Variants in TUBGCP3 observed in about 807,000 individuals in gnomAD.
TUBGCP3 encodes gamma-tubulin complex component 3.
A neutral mutation model predicts 123.1 loss-of-function variants in TUBGCP3; 50 were observed. That is an observed-to-expected ratio of 0.41 (90% CI 0.32 to 0.51). The LOEUF (loss-of-function observed/expected upper bound fraction) is 0.51, where lower values mean the gene tolerates loss of function less well. Ranked by LOEUF, TUBGCP3 falls within the 20% of genes least tolerant of loss-of-function variation. TUBGCP3 has a pLI of 0.36. For synonymous variants in TUBGCP3, 405 were observed against 413.9 expected, an observed-to-expected ratio of 0.98 and a Z score of 0.26; for missense variants, 882 against 1,127.0, an observed-to-expected ratio of 0.78 and a Z score of 3.11.
intron 3 of TUBGCP3, among the ~76,000 whole-genome samples, chr13:112,563,131 C>T (rs1880653132): frequency 6.6e-6 from 1 of 152,312 alleles, no homozygotes. Flanking sequence ...ACTCTACTCC[C>T]GTCTCCACGT....
At chr13:112,501,520 A>T (rs914414992) in intron 19 of TUBGCP3, among the ~76,000 whole-genome samples, 1 of 152,244 alleles carries the variant, frequency 6.6e-6, no homozygotes, top group African/African-American at 2.4e-5. Flanking sequence ...GCAAACAAAA[A>T]AACACAAAAA....
intron 1 of TUBGCP3, chr13:112,584,059 AC>A (rs1351058766): frequency 6.6e-6 from 1 of 152,218 alleles, no homozygotes; most frequent in Non-Finnish European, 1.5e-5. Context: ...CCTGTTCTCA[AC>A]CACTGGCCAC....
At position 112,508,111 on chromosome 13, in the gene TUBGCP3, C is replaced by G. The variant is rs567550227; in HGVS notation, c.2087-3397G>C. Among the ~76,000 whole-genome samples, 1 of 152,122 alleles carries G rather than the reference C, an allele frequency of 6.6e-6. No homozygotes were observed. The highest frequency in any genetic ancestry group is 1.5e-5 in the Non-Finnish European group (1 of 68,004). ...TCCCTCACTCCCAGCCTCAGCATCC[C>G]GCAGCCCTGGCCCCACCAGGTTTGC... On this transcript the variant is annotated intron_variant, in intron 17 of 21. Coordinates refer to ENST00000261965, the MANE Select transcript of TUBGCP3 (RefSeq NM_006322.6). The surrounding 1 kb of genome is among the most constrained non-coding windows in gnomAD (Gnocchi z 4.2).
At chr13:112,501,875 A>G (rs1156396436) in intron 19 of TUBGCP3, among the ~76,000 whole-genome samples, 1 of 152,222 alleles carries the variant, frequency 6.6e-6, no homozygotes, top group Non-Finnish European at 1.5e-5. Context: ...TCCCCCGGAT[A>G]GGGTTCTTAC....
Position 112,545,645 on chromosome 13 carries a change from C to T in TUBGCP3, c.1335+54G>A. ...TGAGGGGAAAAATGAAACAGCATAACTGCGTGCCCATGCTTTTTAAATCCA... is the reference window on the plus strand; with the variant it reads ...TGAGGGGAAAAATGAAACAGCATAATTGCGTGCCCATGCTTTTTAAATCCA... On this transcript the variant is annotated intron_variant, in intron 11 of 21. Coordinates refer to ENST00000261965, the MANE Select transcript of TUBGCP3 (RefSeq NM_006322.6). The surrounding 1 kb of genome is among the most constrained non-coding windows in gnomAD (Gnocchi z 4.1). The T allele has an allele frequency of 6.3e-7, 1 of 1,591,502 alleles. No individual in the cohort carries two copies. The highest frequency in any genetic ancestry group is 1.3e-5 in the African/African-American group (1 of 74,630).
intron 20 of TUBGCP3, among the ~76,000 whole-genome samples, chr13:112,490,376 C>T (rs1357285174): frequency 6.6e-6 from 1 of 152,224 alleles, no homozygotes; most frequent in East Asian, 1.9e-4. Context: ...CTGCCTCAGC[C>T]TCCCAGGTAG....
chr13:112,598,337 T>C, the TUBGCP3 span, among the ~76,000 whole-genome samples: 2 of 150,612 alleles, frequency 1.3e-5, no homozygotes, highest in Non-Finnish European at 1.5e-5. Context: ...AAAATGATAC[T>C]AGATGAAGGC....
chr13:112,547,965 T>C (rs1879209145), intron 9 of TUBGCP3, 143 bp downstream of exon 9: 1 of 868,780 alleles, frequency 1.2e-6, no homozygotes. Context: ...TGAAACTTGA[T>C]ATTCAAACCT....
intron 3 of TUBGCP3, among the ~76,000 whole-genome samples, chr13:112,560,811 A>G (rs976164457): frequency 6.6e-6 from 1 of 152,216 alleles, no homozygotes; most frequent in African/African-American, 2.4e-5. Flanking sequence ...CAGGGCCACG[A>G]GGATAAGAAA....
intron 10 of TUBGCP3, 159 bp from the exon 11 acceptor site, chr13:112,546,024 T>C: frequency 1.4e-6 from 1 of 708,188 alleles, no homozygotes; most frequent in Non-Finnish European, 2.2e-6. Context: ...AGCAGTAACA[T>C]GTCATGATTC....
In TUBGCP3 at chr13:112,522,466, C is replaced by A. The variant is rs370683206; in HGVS notation, c.1599G>T (p.Lys533Asn). 230 of 1,613,850 alleles carry A rather than the reference C, an allele frequency of 1.4e-4. No individual in the cohort carries two copies. Among genetic ancestry groups the A allele is most frequent in the Non-Finnish European group, 1.8e-4 (218 of 1,179,836 alleles). ...TGGTCTCAAAATAAGCAGCATCAAT[C>A]TTCCCCTGAAATGCATTTTCCAAGT... ...FTDLENAFQG[K>N]IDAAYFETSK... is the part of the protein sequence containing the mutation. The change falls in exon 14 of 22, where the codon AAG (lysine) becomes AAT (asparagine). Residue 533 changes from lysine (K) to asparagine (N), a missense_variant. Transcript: ENST00000261965.
intron 14 of TUBGCP3, chr13:112,521,530 A>T: frequency 6.6e-6 from 2 of 303,462 alleles, no homozygotes; most frequent in Non-Finnish European, 9.7e-6. Context: ...CCCACAAGCT[A>T]CTGCAGCAAG....
At chr13:112,507,690 G>A (rs565719743) in intron 17 of TUBGCP3, among the ~76,000 whole-genome samples, 1 of 152,268 alleles carries the variant, frequency 6.6e-6, no homozygotes, top group South Asian at 2.1e-4. Context: ...TCTTCTCAGG[G>A]TCAGTCAAGC....
chr13:112,526,679 CCAT>C (rs1454651210), intron 13 of TUBGCP3, among the ~76,000 whole-genome samples: 2 of 151,222 alleles, frequency 1.3e-5, no homozygotes, highest in African/African-American at 2.4e-5. Flanking sequence ...CATCACATCA[CCAT>C]CATCACACCA....
chr13:112,528,562 T>C (rs1349120005), intron 11 of TUBGCP3, among the ~76,000 whole-genome samples: 1 of 152,262 alleles, frequency 6.6e-6, no homozygotes, highest in Non-Finnish European at 1.5e-5. Flanking sequence ...CTATTCATTT[T>C]GTTCTCTCAT....
At chr13:112,564,452 G>A (rs1880789945) in intron 3 of TUBGCP3, among the ~76,000 whole-genome samples, 9 of 152,172 alleles carry the variant, frequency 5.9e-5, no homozygotes, top group Admixed American at 5.9e-4. Flanking sequence ...TTCCTTTATA[G>A]TCAGAAATCA....
At chr13:112,556,592 T>A (rs1594195303) in intron 5 of TUBGCP3, among the ~76,000 whole-genome samples, 1 of 152,318 alleles carries the variant, frequency 6.6e-6, no homozygotes, top group Non-Finnish European at 1.5e-5. Context: ...CTCTACTTAT[T>A]TTAACTTCAA....
intron 11 of TUBGCP3, among the ~76,000 whole-genome samples, chr13:112,533,635 C>T (rs763300313): frequency 4.3e-4 from 65 of 151,866 alleles, no homozygotes; most frequent in Non-Finnish European, 1.0e-4. Context: ...ACACAGTTCA[C>T]ATCACATGTT....
intron 1 of TUBGCP3, among the ~76,000 whole-genome samples, chr13:112,586,195 A>G (rs1312439699): frequency 2.0e-5 from 3 of 151,856 alleles, no homozygotes; most frequent in Non-Finnish European, 4.4e-5. Flanking sequence ...AGCCGAGATC[A>G]CACCACTGCA....
Sources: allele counts gnomAD v4.1 joint callset (sites outside exome capture counted in the v4.1 genomes callset), GRCh38; gene constraint gnomAD v4.1.1; non-coding constraint Gnocchi (gnomAD v3.1); transcripts MANE v1.5; gene names NCBI Gene and HGNC (gene_info 2026-07-23, HGNC 2026-07-21).